CAST: variants seen among roughly 807,000 people sequenced by gnomAD.
The protein encoded by CAST is calpastatin.
In CAST, 76 loss-of-function variants were observed where a neutral mutation model predicts 119.6. The observed-to-expected ratio is 0.64, with a 90% CI of 0.53 to 0.77. CAST has a LOEUF of 0.77. CAST is among the 30% of genes least tolerant of loss of function. CAST has a pLI of 0.00. For synonymous variants in CAST, 319 were observed against 331.6 expected, an observed-to-expected ratio of 0.96 and a Z score of 0.41; for missense variants, 953 against 946.5, an observed-to-expected ratio of 1.01 and a Z score of -0.09.
intron 11 of CAST, 58 bp downstream of exon 11, chr5:96,738,005 G>T: frequency 1.0e-6 from 1 of 975,488 alleles, no homozygotes. Context: ...AGCAAATAAG[G>T]CCATGGTCAT....
chr5:96,665,720 T>C (rs1386787996), intron 1 of CAST, among the ~76,000 whole-genome samples: 1 of 151,250 alleles, frequency 6.6e-6, no homozygotes, highest in Non-Finnish European at 1.5e-5. Flanking sequence ...ATGGAGCCAG[T>C]TTATAACACA....
the CAST span, among the ~76,000 whole-genome samples, chr5:96,078,398 CTTT>C: frequency 6.9e-5 from 10 of 145,668 alleles, no homozygotes; most frequent in African/African-American, 2.5e-4. Flanking sequence ...TCTGATCAAG[CTTT>C]TTTTTTTTTT....
At chr5:96,257,997 T>A in the CAST span, among the ~76,000 whole-genome samples, 1 of 152,122 alleles carries the variant, frequency 6.6e-6, no homozygotes, top group Non-Finnish European at 1.5e-5. Flanking sequence ...TTCCAGCCAC[T>A]AAAGGCTCAG....
At chr5:95,978,593 A>G in the CAST span, among the ~76,000 whole-genome samples, 11,772 of 151,470 alleles carry the variant, frequency 0.078, 1,004 homozygotes, top group African/African-American at 0.21. Context: ...CATTCTGTTG[A>G]TTGTCTGTTT....
the CAST span, among the ~76,000 whole-genome samples, chr5:96,459,047 A>G: frequency 6.6e-6 from 1 of 152,154 alleles, no homozygotes; most frequent in East Asian, 1.9e-4. Flanking sequence ...TTTGGTACCT[A>G]ATGTGATGCC....
chr5:96,483,579 A>G, the CAST span, among the ~76,000 whole-genome samples: 1 of 152,168 alleles, frequency 6.6e-6, no homozygotes, highest in Non-Finnish European at 1.5e-5. Context: ...TATTTCCAGG[A>G]AAGTTTTTCA....
At chr5:96,718,317 A>G (rs750936726) in intron 3 of CAST, among the ~76,000 whole-genome samples, 5 of 152,196 alleles carry the variant, frequency 3.3e-5, no homozygotes, top group Non-Finnish European at 5.9e-5. Flanking sequence ...AGAGATGCTT[A>G]AAGTCATGGG....
chr5:96,482,749 A>C, the CAST span, among the ~76,000 whole-genome samples: 3 of 152,162 alleles, frequency 2.0e-5, no homozygotes, highest in African/African-American at 7.2e-5. Flanking sequence ...CACTGTGTGA[A>C]CGTGGCCTTC....
At chr5:96,023,513 G>A in the CAST span, among the ~76,000 whole-genome samples, 1 of 152,234 alleles carries the variant, frequency 6.6e-6, no homozygotes, top group Non-Finnish European at 1.5e-5. Context: ...AGTTTAGTGG[G>A]AGATCTGAGG....
intron 1 of CAST, among the ~76,000 whole-genome samples, chr5:96,564,147 G>T (rs1746430038): frequency 6.6e-6 from 1 of 152,168 alleles, no homozygotes; most frequent in South Asian, 2.1e-4. Flanking sequence ...GCAGGAAAAA[G>T]ATCCACTTTT....
chr5:95,968,562 C>T, the CAST span, among the ~76,000 whole-genome samples: 166 of 152,156 alleles, frequency 1.1e-3, no homozygotes, highest in African/African-American at 3.6e-3. Context: ...ACTCTTCCCG[C>T]GGGACTGTAT....
At chr5:96,249,678 C>A in the CAST span, among the ~76,000 whole-genome samples, 1 of 152,128 alleles carries the variant, frequency 6.6e-6, no homozygotes. Flanking sequence ...AGATTAAACA[C>A]AATAAACACA....
chr5:96,471,351 T>A, the CAST span, among the ~76,000 whole-genome samples: 3 of 152,120 alleles, frequency 2.0e-5, no homozygotes, highest in Non-Finnish European at 4.4e-5. Flanking sequence ...AAAATTACAT[T>A]CTCTCTCATC....
chr5:96,044,560 A>C, the CAST span, among the ~76,000 whole-genome samples: 1 of 152,206 alleles, frequency 6.6e-6, no homozygotes, highest in Non-Finnish European at 1.5e-5. Context: ...GATAAGCAGG[A>C]TCTAGTAAGG....
chr5:96,694,685 A>G (rs968221349), intron 2 of CAST, among the ~76,000 whole-genome samples: 1 of 152,234 alleles, frequency 6.6e-6, no homozygotes, highest in African/African-American at 2.4e-5. Context: ...CTTCTTTGAA[A>G]TATAGATATT....
intron 1 of CAST, among the ~76,000 whole-genome samples, chr5:96,572,392 G>A (rs1481156004): frequency 1.3e-5 from 2 of 152,040 alleles, no homozygotes; most frequent in Admixed American, 6.6e-5. Context: ...GTAGAGACGG[G>A]GTTTCGCCAT....
the CAST span, among the ~76,000 whole-genome samples, chr5:96,045,923 C>T: frequency 1.3e-5 from 2 of 152,088 alleles, no homozygotes; most frequent in South Asian, 4.1e-4. Context: ...CAGAAAGTGA[C>T]AAGGGGGTAT....
At chr5:96,270,632 C>T in the CAST span, among the ~76,000 whole-genome samples, 1 of 152,090 alleles carries the variant, frequency 6.6e-6, no homozygotes, top group Non-Finnish European at 1.5e-5. Flanking sequence ...CACATGTTCT[C>T]ACTTACAAGT....
chr5:96,450,860 A>G, the CAST span, among the ~76,000 whole-genome samples: 2 of 152,206 alleles, frequency 1.3e-5, no homozygotes, highest in African/African-American at 2.4e-5. Flanking sequence ...CATTTAGGGT[A>G]TCTTTCAATC....
Sources: gnomAD v4.1 joint callset for allele counts (sites outside exome capture counted in the v4.1 genomes callset) on GRCh38, gnomAD v4.1.1 for gene constraint, MANE v1.5 for transcripts, NCBI Gene and HGNC (gene_info 2026-07-23, HGNC 2026-07-21) for gene names.